The following GRM5 variants were observed in gnomAD, a reference collection of about 807,000 sequenced individuals.
GRM5 encodes the protein glutamate metabotropic receptor 5.
GRM5 carries 19 observed loss-of-function variants against 83.1 expected under a neutral mutation model. The observed-to-expected ratio is 0.23, with a 90% CI of 0.16 to 0.34. The LOEUF (loss-of-function observed/expected upper bound fraction) is 0.34. Ranked by LOEUF, GRM5 falls within the 10% of genes least tolerant of loss-of-function variation. The pLI, the probability that GRM5 is intolerant of heterozygous loss-of-function variation, is 1.00. For synonymous variants in GRM5, 675 were observed against 633.6 expected (o/e 1.07, Z -0.98); for missense variants, 1,160 against 1,588.3 (o/e 0.73, Z 4.58).
rs999806383 is a variant in GRM5, at chr11:88,504,647, A to G, written c.*3945T>C. ...AAACACCAAGTACAACATGATTTAG[A>G]CAACTGAGAAACAGGCAAGTATATT... On this transcript the variant is annotated 3_prime_UTR_variant, in exon 10 of 10. Transcript: ENST00000305447. 3 of 152,150 alleles carry G rather than the reference A, an allele frequency of 2.0e-5. No homozygotes were observed. Among genetic ancestry groups the G allele is most frequent in the African/African-American group, 7.2e-5 (3 of 41,462 alleles). 9.4% of individuals were successfully genotyped at this position (152,150 alleles called of 1,614,324 possible). A position where few individuals can be genotyped will look rare whatever the true frequency, so the allele number is the denominator to read the frequency against.
chr11:88,969,698 A>G (rs927736270), intron 2 of GRM5, among the ~76,000 whole-genome samples: 2 of 152,178 alleles, frequency 1.3e-5, no homozygotes, highest in African/African-American at 4.8e-5. Context: ...CTTTTGCTTT[A>G]GACATGAGAC....
chr11:88,516,254 C>G (rs1372464438), intron 9 of GRM5, among the ~76,000 whole-genome samples: 1 of 152,120 alleles, frequency 6.6e-6, no homozygotes, highest in African/African-American at 2.4e-5. Flanking sequence ...TGGAACTTAA[C>G]TAAGTCGACC....
intron 3 of GRM5, among the ~76,000 whole-genome samples, chr11:88,672,935 G>C (rs927095680): frequency 2.0e-5 from 3 of 151,914 alleles, no homozygotes; most frequent in Admixed American, 2.0e-4. Flanking sequence ...ACTGTATCGA[G>C]TCTTGAAGTT....
At chr11:88,926,393 T>G (rs1301780553) in intron 2 of GRM5, among the ~76,000 whole-genome samples, 14 of 152,200 alleles carry the variant, frequency 9.2e-5, no homozygotes, top group Non-Finnish European at 1.5e-5. Flanking sequence ...AAGTACTTAT[T>G]GCTTTAAAAT....
intron 3 of GRM5, among the ~76,000 whole-genome samples, chr11:88,843,214 AC>A (rs1944234902): frequency 2.0e-5 from 3 of 152,098 alleles, no homozygotes; most frequent in Admixed American, 2.0e-4. Flanking sequence ...AATATTTCAA[AC>A]TTTTTCATTA....
intron 4 of GRM5, among the ~76,000 whole-genome samples, chr11:88,623,363 C>G (rs1019708533): frequency 6.6e-6 from 1 of 152,144 alleles, no homozygotes; most frequent in Non-Finnish European, 1.5e-5. Flanking sequence ...CTCCTGACCT[C>G]AGGTGACCCG....
chr11:88,885,450 G>GGTTTTTTTTT lies in GRM5; in HGVS notation c.662-35296_662-35295insAAAAAAAAAC, dbSNP rs1945027301. Among the ~76,000 whole-genome samples the GGTTTTTTTTT allele has an allele frequency of 8.1e-4, 51 of 62,666 alleles. 16 individuals are homozygous for GGTTTTTTTTT. Among genetic ancestry groups the GGTTTTTTTTT allele is most frequent in the African/African-American group, 2.8e-3 (47 of 16,894 alleles). 41.1% of individuals were successfully genotyped at this position (62,666 alleles called of 152,430 possible). ...TTCTGAATTCTATAGTAGGTACCAT[G>GGTTTTTTTTT]TTTTTTTTTTTTTTTTTTTTTTTTT... On this transcript the variant is annotated intron_variant, in intron 2 of 9. Transcript: ENST00000305447.
chr11:88,957,445 A>T (rs1938655766), intron 2 of GRM5, among the ~76,000 whole-genome samples: 1 of 152,254 alleles, frequency 6.6e-6, no homozygotes, highest in Non-Finnish European at 1.5e-5. Context: ...CTGTAAGTTT[A>T]TCTCAACAGT....
chr11:88,792,944 C>T (rs1943203573), intron 3 of GRM5, among the ~76,000 whole-genome samples: 2 of 152,038 alleles, frequency 1.3e-5, no homozygotes, highest in South Asian at 2.1e-4. Context: ...ATTTTTGATA[C>T]TATTTAGAGA....
intron 2 of GRM5, among the ~76,000 whole-genome samples, chr11:88,998,682 T>A (rs937472231): frequency 6.6e-6 from 1 of 152,036 alleles, no homozygotes; most frequent in Non-Finnish European, 1.5e-5. Flanking sequence ...AAATAGATAA[T>A]CCCAAGGAAT....
intron 3 of GRM5, among the ~76,000 whole-genome samples, chr11:88,655,078 C>T (rs1939733107): frequency 6.6e-6 from 1 of 151,976 alleles, no homozygotes; most frequent in African/African-American, 2.4e-5. Context: ...TCCTCCATGA[C>T]AAAAAGATAT....
intron 2 of GRM5, among the ~76,000 whole-genome samples, chr11:88,872,765 C>A (rs1276431329): frequency 1.3e-5 from 2 of 151,292 alleles, no homozygotes; most frequent in African/African-American, 4.8e-5. Context: ...TAGAAAAAAT[C>A]ACTTAATCAC....
chr11:89,019,251 A>G (rs1472224887), intron 2 of GRM5, among the ~76,000 whole-genome samples: 1 of 152,130 alleles, frequency 6.6e-6, no homozygotes, highest in Non-Finnish European at 1.5e-5. Context: ...AGAAAGTGCC[A>G]TTCTTATTTA....
chr11:88,620,325 G>A (rs977271718), intron 4 of GRM5, among the ~76,000 whole-genome samples: 1 of 152,268 alleles, frequency 6.6e-6, no homozygotes, highest in Middle Eastern at 3.4e-3. Flanking sequence ...CTGTGCAAAA[G>A]CCTCTAAACA....
Position 88,727,063 on chromosome 11 carries a change from C to T in GRM5, c.912-73660G>A, listed in dbSNP as rs569819265. Among the ~76,000 whole-genome samples the T allele has an allele frequency of 4.8e-4, 73 of 152,260 alleles. No homozygotes were observed. In the South Asian group the frequency reaches 0.015, roughly 30 times the overall value. On this transcript the variant is annotated intron_variant, in intron 3 of 9. Transcript: ENST00000305447. Reference sequence around the variant, plus strand: ...AATATTAGCCTTAAATGTAAATGGGCTAAATGCCTCAATTAAAAGACATAG... The same window carrying T: ...AATATTAGCCTTAAATGTAAATGGGTTAAATGCCTCAATTAAAAGACATAG...
chr11:88,932,225 G>A (rs1937732052), intron 2 of GRM5, among the ~76,000 whole-genome samples: 1 of 152,032 alleles, frequency 6.6e-6, no homozygotes, highest in African/African-American at 2.4e-5. Context: ...ACATGTAAAT[G>A]TTTTGGTTTG....
intron 4 of GRM5, among the ~76,000 whole-genome samples, chr11:88,633,805 GC>G (rs2135275458): frequency 6.6e-6 from 1 of 152,224 alleles, no homozygotes; most frequent in East Asian, 1.9e-4. Context: ...ATAAACACGA[GC>G]CACCGTAACT....
chr11:88,638,074 G>A (rs1310015371), intron 4 of GRM5, among the ~76,000 whole-genome samples: 16 of 147,440 alleles, frequency 1.1e-4, no homozygotes, highest in African/African-American at 1.5e-4. Flanking sequence ...CAAACACTGC[G>A]TATTCTCACT....
intron 3 of GRM5, among the ~76,000 whole-genome samples, chr11:88,720,229 G>A (rs1397639860): frequency 6.6e-6 from 1 of 152,020 alleles, no homozygotes; most frequent in East Asian, 1.9e-4. Flanking sequence ...CACCATCTAA[G>A]CCCTTTTTTG....
Sources: allele counts gnomAD v4.1 joint callset (sites outside exome capture counted in the v4.1 genomes callset), GRCh38; gene constraint gnomAD v4.1.1; transcripts MANE v1.5; gene names NCBI Gene and HGNC (gene_info 2026-07-23, HGNC 2026-07-21).